The following WWC2 variants were observed in gnomAD, a reference collection of about 807,000 sequenced individuals.
The protein encoded by WWC2 is WW and C2 domain containing 2.
WWC2 carries 101 observed loss-of-function variants against 138.5 expected under a neutral mutation model. That is an observed-to-expected ratio of 0.73 (90% confidence interval 0.62 to 0.86). WWC2 has a LOEUF of 0.86. Among genes scored for constraint, WWC2 ranks in the 40% least tolerant of loss-of-function variants. The pLI, the probability that WWC2 is intolerant of heterozygous loss-of-function variation, is 0.00. For synonymous variants in WWC2, 558 were observed against 538.4 expected (o/e 1.04, Z -0.50); for missense variants, 1,420 against 1,419.4 (o/e 1.00, Z -0.01).
At chr4:183,167,407 G>A (rs143484914) in intron 1 of WWC2, among the ~76,000 whole-genome samples, 3,394 of 152,264 alleles carry the variant, frequency 0.022, 54 homozygotes, top group Non-Finnish European at 0.038. Context: ...GTGTGGCAGA[G>A]ATTTAAGGGA....
intron 4 of WWC2, among the ~76,000 whole-genome samples, chr4:183,220,908 A>T (rs1735917059): frequency 6.6e-6 from 1 of 152,100 alleles, no homozygotes; most frequent in Admixed American, 6.6e-5. Flanking sequence ...GAAAAAATTT[A>T]GTTAACCCAA....
At chr4:183,135,116 G>T (rs936477520) in intron 1 of WWC2, among the ~76,000 whole-genome samples, 4 of 151,912 alleles carry the variant, frequency 2.6e-5, no homozygotes, top group African/African-American at 9.7e-5. Flanking sequence ...TAGAGATGGG[G>T]TTTCACCATG....
intron 1 of WWC2, among the ~76,000 whole-genome samples, chr4:183,190,403 G>A (rs12505211): frequency 6.6e-6 from 1 of 152,088 alleles, no homozygotes; most frequent in Non-Finnish European, 1.5e-5. Context: ...TTACCTCTTA[G>A]TACGTCATAG....
Position 183,112,052 on chromosome 4 carries a change from A to G in WWC2, c.131+12430A>G, listed in dbSNP as rs561436024. 2.0e-5 allele frequency among the ~76,000 whole-genome samples: 3 copies of G among 152,206 alleles called. No homozygotes were observed. In the East Asian group the frequency reaches 5.8e-4, roughly 29 times the overall value. On this transcript the variant is annotated intron_variant, in intron 1 of 22. Coordinates refer to ENST00000403733, the MANE Select transcript of WWC2 (RefSeq NM_024949.6). ...CCCTTCCCCTTTTCTGCTAAATGAC[A>G]TAGCTAATGATATTTCTCATAGGAC...
At chr4:183,240,284 C>A in intron 5 of WWC2, 22 bp downstream of exon 5, 1 of 1,527,634 alleles carries the variant, frequency 6.5e-7, no homozygotes, top group Non-Finnish European at 8.8e-7. Flanking sequence ...AAGACTGAAT[C>A]AACTTTAGAA....
chr4:183,177,910 T>C (rs572754902), intron 1 of WWC2, among the ~76,000 whole-genome samples: 1 of 152,312 alleles, frequency 6.6e-6, no homozygotes, highest in Admixed American at 6.5e-5. Context: ...GGCCTGTGCT[T>C]AACTGAATTT....
intron 1 of WWC2, among the ~76,000 whole-genome samples, chr4:183,167,929 C>T (rs1189905634): frequency 6.7e-6 from 1 of 149,394 alleles, no homozygotes; most frequent in Non-Finnish European, 1.5e-5. Flanking sequence ...GATCTTGGCT[C>T]AGTGCAACCT....
intron 16 of WWC2, among the ~76,000 whole-genome samples, chr4:183,277,807 C>G (rs1328173471): frequency 2.7e-5 from 4 of 148,676 alleles, no homozygotes; most frequent in African/African-American, 9.9e-5. Context: ...TCATGTCCTT[C>G]GCCCACTTTT....
intron 1 of WWC2, 96 bp from the exon 2 acceptor site, chr4:183,193,503 A>T: frequency 9.7e-7 from 1 of 1,029,086 alleles, no homozygotes; most frequent in Non-Finnish European, 1.4e-6. Flanking sequence ...TTAAGATTTT[A>T]AATGCAACCT....
At chr4:183,247,528 A>AC (rs1312525369) in intron 6 of WWC2, among the ~76,000 whole-genome samples, 60 of 142,560 alleles carry the variant, frequency 4.2e-4, no homozygotes, top group African/African-American at 1.4e-3. Context: ...TACTATATAT[A>AC]TACTATATAT....
intron 1 of WWC2, among the ~76,000 whole-genome samples, chr4:183,123,475 T>C (rs1475970256): frequency 6.6e-6 from 1 of 151,588 alleles, no homozygotes; most frequent in Non-Finnish European, 1.5e-5. Context: ...CTAAGGCATA[T>C]AGCATTTATG....
intron 4 of WWC2, among the ~76,000 whole-genome samples, chr4:183,231,146 A>C (rs1319116342): frequency 6.6e-6 from 1 of 151,876 alleles, no homozygotes; most frequent in South Asian, 2.1e-4. Flanking sequence ...TTAAAATTAT[A>C]TATAATAGCT....
intron 1 of WWC2, among the ~76,000 whole-genome samples, chr4:183,137,496 T>C (rs1733156903): frequency 6.6e-6 from 1 of 152,210 alleles, no homozygotes; most frequent in Admixed American, 6.5e-5. Flanking sequence ...ATTTCTCAGC[T>C]TCTTTGGAAT....
chr4:183,203,545 C>T (rs1354526269), intron 2 of WWC2: 1 of 152,048 alleles, frequency 6.6e-6, no homozygotes, highest in Non-Finnish European at 1.5e-5. Flanking sequence ...AATGTACACT[C>T]TCTACACCCC....
At chr4:183,153,142 C>G (rs1477250116) in intron 1 of WWC2, among the ~76,000 whole-genome samples, 2 of 152,136 alleles carry the variant, frequency 1.3e-5, no homozygotes, top group African/African-American at 4.8e-5. Flanking sequence ...TGGCCTCAAG[C>G]TATCCTCCTG....
intron 4 of WWC2, among the ~76,000 whole-genome samples, chr4:183,210,555 A>G (rs1735566796): frequency 6.6e-6 from 1 of 152,320 alleles, no homozygotes; most frequent in African/African-American, 2.4e-5. Context: ...GTAAGCCTCA[A>G]ATATACACAA....
intron 1 of WWC2, among the ~76,000 whole-genome samples, chr4:183,142,764 G>C (rs564419916): frequency 5.3e-5 from 8 of 152,232 alleles, no homozygotes; most frequent in African/African-American, 1.2e-4. Context: ...GCCATGTGGC[G>C]TATGTTCTGG....
Position 183,184,461 on chromosome 4 carries a change from G to A in WWC2, c.132-9138G>A, listed in dbSNP as rs943219567. On this transcript the variant is annotated intron_variant, in intron 1 of 22. Coordinates refer to ENST00000403733, the MANE Select transcript of WWC2 (RefSeq NM_024949.6). ...ATCATGCACACACATGTACTTATTC[G>A]AGTACCTATTTTCACTTCCTTTAGA... 2.6e-5 allele frequency among the ~76,000 whole-genome samples: 4 copies of A among 152,122 alleles called. No homozygotes were observed. The East Asian group carries it at 5.8e-4, about 22-fold the overall frequency.
At position 183,282,912 on chromosome 4, in the gene WWC2, T is replaced by C; in HGVS notation, c.2883+6T>C. The C allele has an allele frequency of 1.9e-6, 3 of 1,568,742 alleles. No homozygotes were observed. Among genetic ancestry groups the C allele is most frequent in the South Asian group, 1.2e-5 (1 of 84,784 alleles). ...CTACTAGAATACCAACACTGGTGAC[T>C]ATTCCGCTGTGCTGTCTTAAAACTG... On this transcript the variant is annotated splice_donor_region_variant and intron_variant, in intron 18 of 22. Transcript: ENST00000403733.
Sources: gnomAD v4.1 joint callset for allele counts (sites outside exome capture counted in the v4.1 genomes callset) on GRCh38, gnomAD v4.1.1 for gene constraint, MANE v1.5 for transcripts, NCBI Gene and HGNC (gene_info 2026-07-23, HGNC 2026-07-21) for gene names.